The following ARHGAP29 variants were observed in gnomAD, a reference collection of about 807,000 sequenced individuals.
The protein encoded by ARHGAP29 is rho GTPase-activating protein 29.
In ARHGAP29, 43 loss-of-function variants were observed where a neutral mutation model predicts 122.6. That is an observed-to-expected ratio of 0.35 (90% CI 0.27 to 0.45). The LOEUF (loss-of-function observed/expected upper bound fraction) is 0.45. Among genes scored for constraint, ARHGAP29 ranks in the 20% least tolerant of loss-of-function variants. The pLI is 1.00. For missense variants in ARHGAP29, 1,303 were observed against 1,477.2 expected (o/e 0.88, Z 1.93); for synonymous variants, 506 against 497.1 (o/e 1.02, Z -0.24).
intron 6 of ARHGAP29, 66 bp from the exon 7 acceptor site, chr1:94,205,264 A>G: frequency 7.9e-7 from 1 of 1,271,166 alleles, no homozygotes. Flanking sequence ...CAAACAAAGA[A>G]GCACTGAGAT....
chr1:94,266,521 C>G (rs934239635), intron 1 of ARHGAP29, among the ~76,000 whole-genome samples: 9 of 152,248 alleles, frequency 5.9e-5, no homozygotes, highest in African/African-American at 2.2e-4. Flanking sequence ...TCTTCCATCT[C>G]TTCTTTCCTT....
chr1:94,250,971 C>T (rs1440152514), intron 1 of ARHGAP29, among the ~76,000 whole-genome samples: 1 of 151,942 alleles, frequency 6.6e-6, no homozygotes, highest in Non-Finnish European at 1.5e-5. Flanking sequence ...TAATATTAGC[C>T]TTAAAAATGC....
At chr1:94,197,591 G>C (rs559943752) in intron 12 of ARHGAP29, among the ~76,000 whole-genome samples, 73 of 151,794 alleles carry the variant, frequency 4.8e-4, no homozygotes, top group African/African-American at 1.7e-3. Context: ...TTCACTGAGA[G>C]AAAAAGAAAA....
intron 1 of ARHGAP29, among the ~76,000 whole-genome samples, chr1:94,253,137 A>T (rs1553214822): frequency 6.6e-6 from 1 of 151,952 alleles, no homozygotes; most frequent in Non-Finnish European, 1.5e-5. Flanking sequence ...CAGCCGGCTA[A>T]TTTTTTGTAT....
the ARHGAP29 span, among the ~76,000 whole-genome samples, chr1:94,298,930 A>G: frequency 3.3e-5 from 5 of 152,214 alleles, no homozygotes; most frequent in African/African-American, 1.2e-4. Context: ...ATAGAACACA[A>G]GTGTTTTAAA....
At chr1:94,210,987 A>G (rs998308546) in intron 3 of ARHGAP29, among the ~76,000 whole-genome samples, 7 of 151,688 alleles carry the variant, frequency 4.6e-5, no homozygotes, top group Admixed American at 1.3e-4. Flanking sequence ...GAGTTGATTC[A>G]TCAAAAGGAC....
intron 1 of ARHGAP29, among the ~76,000 whole-genome samples, chr1:94,258,278 C>T (rs550884781): frequency 1.3e-5 from 2 of 152,304 alleles, no homozygotes; most frequent in East Asian, 1.9e-4. Context: ...TAAATGTGCC[C>T]TCTAGTCATA....
At position 94,220,381 on chromosome 1, in the gene ARHGAP29, C is replaced by T; in HGVS notation, c.217G>A (p.Glu73Lys). ...KEAIFSDCFK[E>K]VIHIRLEELL... ...TCCTCTAGACGTATATGAATAACTTCTTTAAAACAGTCTTTAAAAAGAAAA... is the reference window on the plus strand; with the variant it reads ...TCCTCTAGACGTATATGAATAACTTTTTTAAAACAGTCTTTAAAAAGAAAA... The change falls in exon 3 of 23, where the codon GAA becomes AAA. Residue 73 changes from glutamate to lysine, a missense_variant. Physicochemically the swap from Glu to Lys is moderately conservative, Grantham distance 56 (BLOSUM62 1). This residue lies in a region of ARHGAP29 where 592 missense variants were observed against 648.2 expected (regional missense o/e 0.91). Coordinates refer to ENST00000260526, the MANE Select transcript of ARHGAP29 (RefSeq NM_004815.4). The T allele has an allele frequency of 6.3e-7, 1 of 1,591,540 alleles. No homozygotes were observed. The highest frequency in any genetic ancestry group is 8.6e-7 in the Non-Finnish European group (1 of 1,169,564).
At chr1:94,242,563 C>A (rs1570595727), upstream of ARHGAP29, among the ~76,000 whole-genome samples, 1 of 145,930 alleles carries the variant, frequency 6.9e-6, no homozygotes, top group Non-Finnish European at 1.5e-5. Context: ...CTAAAATCTC[C>A]AGAGATAAAG....
the ARHGAP29 span, among the ~76,000 whole-genome samples, chr1:94,309,391 A>T: frequency 3.3e-5 from 5 of 152,192 alleles, no homozygotes; most frequent in African/African-American, 4.8e-5. Context: ...CTCCTATCAA[A>T]ATATTTGCAG....
Position 94,202,979 on chromosome 1 carries a change from T to C in ARHGAP29, c.893A>G (p.Asn298Ser). 1 of 1,609,120 alleles carries C rather than the reference T, an allele frequency of 6.2e-7. No homozygotes were observed. The highest frequency in any genetic ancestry group is 8.5e-7 in the Non-Finnish European group (1 of 1,178,904). The change falls in exon 10 of 23, where the codon AAT (asparagine) becomes AGT (serine). Residue 298 changes from asparagine to serine, a missense_variant. Transcript: ENST00000260526. ...TTCTTTCCTTTGTTTTTCCATTTCA[T>C]TTTTCCTTCCAAGTAGAGGCTGTGA... ...KFVQPLLGRKNEMEKQRKEIK... is the reference protein window; with the variant it reads ...KFVQPLLGRKSEMEKQRKEIK...
chr1:94,246,733 C>A (rs553893035), intron 1 of ARHGAP29, among the ~76,000 whole-genome samples: 1 of 152,134 alleles, frequency 6.6e-6, no homozygotes, highest in Non-Finnish European at 1.5e-5. Context: ...CTGGGAACAC[C>A]GGGTTTCTAT....
At chr1:94,179,037 G>T (rs764811074) in intron 20 of ARHGAP29, among the ~76,000 whole-genome samples, 3 of 152,088 alleles carry the variant, frequency 2.0e-5, no homozygotes, top group Admixed American at 1.3e-4. Flanking sequence ...TGCATGCTGT[G>T]CATAGCTGTT....
At chr1:94,253,652 G>GCACGCACA (rs1419628684) in intron 1 of ARHGAP29, among the ~76,000 whole-genome samples, 2 of 151,474 alleles carry the variant, frequency 1.3e-5, no homozygotes, top group African/African-American at 2.4e-5. Flanking sequence ...ACGCACGCAC[G>GCACGCACA]CACGCACGCA....
At chr1:94,258,968 T>C (rs1450858396) in intron 1 of ARHGAP29, among the ~76,000 whole-genome samples, 1 of 152,210 alleles carries the variant, frequency 6.6e-6, no homozygotes, top group African/African-American at 2.4e-5. Context: ...TGTTTTTCAT[T>C]TGGGTGAGTC....
chr1:94,195,152 T>C (rs1437122258), intron 12 of ARHGAP29: 1 of 152,202 alleles, frequency 6.6e-6, no homozygotes, highest in Non-Finnish European at 1.5e-5. Context: ...CTGTAGTCAT[T>C]AGAACGAGAA....
chr1:94,186,586 G>C lies in ARHGAP29; in HGVS notation c.1693C>G (p.Arg565Gly). The C allele has an allele frequency of 1.2e-6, 2 of 1,613,044 alleles. No individual in the cohort carries two copies. The highest frequency in any genetic ancestry group is 8.5e-7 in the Non-Finnish European group (1 of 1,179,330). Residue 565 changes from arginine (R) to glycine (G), a missense_variant, in exon 16 of 23, where the codon CGA becomes GGA. By Grantham distance (125) the Arg-to-Gly change is moderately radical. Coordinates refer to ENST00000260526, the MANE Select transcript of ARHGAP29 (RefSeq NM_004815.4). Reference sequence around the variant, plus strand: ...CTGGATGGTGTTCGTGGAAGTTTTCGATGAAAGTCTCCTAGAAGAAAATTG... The same window carrying C: ...CTGGATGGTGTTCGTGGAAGTTTTCCATGAAAGTCTCCTAGAAGAAAATTG... ...SESISPGDFH[R>G]KLPRTPSSGT...
chr1:94,237,606 G>A, upstream of ARHGAP29: 1 of 987,792 alleles, frequency 1.0e-6, no homozygotes, highest in Admixed American at 6.2e-5. Flanking sequence ...CGCCCCTGCA[G>A]CTACCGCCAC....
intron 1 of ARHGAP29, among the ~76,000 whole-genome samples, chr1:94,259,385 G>A (rs752677747): frequency 6.6e-6 from 1 of 152,210 alleles, no homozygotes; most frequent in African/African-American, 2.4e-5. Flanking sequence ...TGGACATGTT[G>A]TAGTGGATCA....
Sources: allele counts gnomAD v4.1 joint callset (sites outside exome capture counted in the v4.1 genomes callset), GRCh38; gene constraint gnomAD v4.1.1; regional missense constraint gnomAD v4.1.1; transcripts MANE v1.5; gene names NCBI Gene and HGNC (gene_info 2026-07-23, HGNC 2026-07-21).